Variants in TMCO5A observed in about 807,000 individuals in gnomAD.
The protein encoded by TMCO5A is transmembrane and coiled-coil domains 5A.
In TMCO5A, 34 loss-of-function variants were observed where a neutral mutation model predicts 42.3. The ratio of observed to expected loss-of-function variants is 0.80; its 90% confidence interval spans 0.61 to 1.07. The LOEUF is 1.07. Ranked by LOEUF, TMCO5A falls within the 50% of genes least tolerant of loss-of-function variation. The pLI is 0.00. For missense variants in TMCO5A, 357 were observed against 327.9 expected (o/e 1.09, Z -0.69); for synonymous variants, 131 against 115.6 (o/e 1.13, Z -0.86).
At chr15:38,024,436 A>C in the TMCO5A span, among the ~76,000 whole-genome samples, 700 of 152,304 alleles carry the variant, frequency 4.6e-3, 3 homozygotes, top group Non-Finnish European at 8.5e-3. Context: ...AAGAGATGAA[A>C]AGCAGAGAAA....
At chr15:37,935,168 T>G (rs1889469170) in intron 1 of TMCO5A, 89 bp from the exon 2 acceptor site, 1 of 152,136 alleles carries the variant, frequency 6.6e-6, no homozygotes, top group Non-Finnish European at 1.5e-5. Context: ...TAATTTGATT[T>G]CTACTTTTTG....
At chr15:38,017,395 T>G in the TMCO5A span, among the ~76,000 whole-genome samples, 1 of 151,974 alleles carries the variant, frequency 6.6e-6, no homozygotes, top group African/African-American at 2.4e-5. Flanking sequence ...CTTAGAAATA[T>G]GGCAGGAGCT....
chr15:37,944,177 T>A (rs140729042), intron 10 of TMCO5A: 2 of 152,286 alleles, frequency 1.3e-5, no homozygotes, highest in Non-Finnish European at 2.9e-5. Context: ...TGTGTTTGGG[T>A]CATCCAAATG....
chr15:37,962,157 A>C (rs1270841609), intron 11 of TMCO5A, among the ~76,000 whole-genome samples: 1 of 152,084 alleles, frequency 6.6e-6, no homozygotes, highest in African/African-American at 2.4e-5. Context: ...CCCATTCAGC[A>C]TTATATTGGC....
downstream of TMCO5A, among the ~76,000 whole-genome samples, chr15:37,955,964 C>G: frequency 6.6e-6 from 1 of 152,088 alleles, no homozygotes; most frequent in Middle Eastern, 3.4e-3. Context: ...CACAACTACA[C>G]GGAAACTAAA....
chr15:38,004,288 C>T, the TMCO5A span, among the ~76,000 whole-genome samples: 1 of 151,960 alleles, frequency 6.6e-6, no homozygotes, highest in Non-Finnish European at 1.5e-5. Context: ...AGTTCCAAGA[C>T]AAAGTCCTCT....
chr15:38,040,157 C>T, the TMCO5A span: 2 of 152,282 alleles, frequency 1.3e-5, no homozygotes, highest in African/African-American at 2.4e-5. Flanking sequence ...ACATAATCAA[C>T]AAAGTGACGT....
At chr15:37,965,931 T>C (rs988240646) in intron 11 of TMCO5A, among the ~76,000 whole-genome samples, 3 of 152,048 alleles carry the variant, frequency 2.0e-5, no homozygotes, top group African/African-American at 4.8e-5. Flanking sequence ...AGGAAATCAG[T>C]ACATTGAAGA....
At chr15:37,979,213 T>C in the TMCO5A span, among the ~76,000 whole-genome samples, 1 of 152,050 alleles carries the variant, frequency 6.6e-6, no homozygotes, top group Non-Finnish European at 1.5e-5. Flanking sequence ...TTGTTGCTTT[T>C]CCGTAAGGCA....
chr15:38,010,383 CAAAAAAAAAAAAAA>C, the TMCO5A span, among the ~76,000 whole-genome samples: 3 of 40,322 alleles, frequency 7.4e-5, no homozygotes, highest in South Asian at 1.3e-3. Context: ...ACTCCGTCTC[CAAAAAAAAAAAAAA>C]AAAAAAAAAG....
the TMCO5A span, among the ~76,000 whole-genome samples, chr15:37,985,065 A>T: frequency 1.2e-4 from 19 of 152,052 alleles, no homozygotes; most frequent in South Asian, 4.1e-4. Context: ...AAAAAAAAAA[A>T]ACAACAGAAC....
chr15:38,028,268 G>A, the TMCO5A span, among the ~76,000 whole-genome samples: 1 of 152,186 alleles, frequency 6.6e-6, no homozygotes, highest in East Asian at 1.9e-4. Context: ...ATATATTTGA[G>A]ATTGGTGGTG....
At chr15:38,030,916 C>A in the TMCO5A span, among the ~76,000 whole-genome samples, 1 of 152,144 alleles carries the variant, frequency 6.6e-6, no homozygotes, top group Non-Finnish European at 1.5e-5. Context: ...GTACTTTACC[C>A]TGTGATGGAA....
the TMCO5A span, among the ~76,000 whole-genome samples, chr15:38,016,212 C>T: frequency 6.6e-6 from 1 of 151,952 alleles, no homozygotes; most frequent in African/African-American, 2.4e-5. Flanking sequence ...TTGCTGTGAA[C>T]CTAAAACTGC....
the TMCO5A span, among the ~76,000 whole-genome samples, chr15:37,996,313 T>C: frequency 3.3e-5 from 5 of 152,152 alleles, no homozygotes; most frequent in African/African-American, 1.2e-4. Flanking sequence ...TAAGTGTTGC[T>C]GGGAATGAAA....
chr15:37,961,227 A>G (rs1454986410), intron 11 of TMCO5A, among the ~76,000 whole-genome samples: 1 of 152,164 alleles, frequency 6.6e-6, no homozygotes, highest in Non-Finnish European at 1.5e-5. Flanking sequence ...ATAAGGCAAG[A>G]GATGAGGATC....
At chr15:38,019,460 G>A in the TMCO5A span, among the ~76,000 whole-genome samples, 1 of 151,754 alleles carries the variant, frequency 6.6e-6, no homozygotes, top group Non-Finnish European at 1.5e-5. Context: ...CCTTTTTTTT[G>A]TAAATAGACT....
At chr15:37,982,542 T>TATTATATATATATAATAGATATTATAG in the TMCO5A span, among the ~76,000 whole-genome samples, 1 of 141,702 alleles carries the variant, frequency 7.1e-6, no homozygotes, top group African/African-American at 2.7e-5. Flanking sequence ...AGATATTATA[T>TATTATATATATATAATAGATATTATAG]ATTATTATGA....
At chr15:37,935,858 T>C (rs1595582753) in intron 2 of TMCO5A, among the ~76,000 whole-genome samples, 1 of 152,212 alleles carries the variant, frequency 6.6e-6, no homozygotes, top group Admixed American at 6.5e-5. Context: ...AGCCCTATCA[T>C]GCTGGTGGAA....
Sources: allele counts gnomAD v4.1 joint callset (sites outside exome capture counted in the v4.1 genomes callset), GRCh38; gene constraint gnomAD v4.1.1; transcripts MANE v1.5; gene names NCBI Gene and HGNC (gene_info 2026-07-23, HGNC 2026-07-21).